The following OPCML variants were observed in gnomAD, a reference collection of about 807,000 sequenced individuals.
The protein encoded by OPCML is opioid-binding protein/cell adhesion molecule.
Under a neutral mutation model 37.8 loss-of-function variants are expected in OPCML, and 13 were observed. The observed-to-expected ratio is 0.34, with a 90% CI of 0.22 to 0.55. The LOEUF (loss-of-function observed/expected upper bound fraction) is 0.55, where lower values mean the gene tolerates loss of function less well. Among genes scored for constraint, OPCML ranks in the 20% least tolerant of loss-of-function variants. OPCML has a pLI of 0.91. For missense variants in OPCML, 341 were observed against 435.6 expected (o/e 0.78, Z 1.93); for synonymous variants, 176 against 168.8 (o/e 1.04, Z -0.33).
intron 1 of OPCML, among the ~76,000 whole-genome samples, chr11:133,180,040 C>A (rs1176620134): frequency 6.6e-6 from 1 of 152,146 alleles, no homozygotes; most frequent in Admixed American, 6.5e-5. Context: ...TGGTCCCTGA[C>A]CCTGCTTAAG....
At chr11:132,918,672 CT>C (rs1426478622) in intron 2 of OPCML, among the ~76,000 whole-genome samples, 4 of 152,096 alleles carry the variant, frequency 2.6e-5, no homozygotes, top group Non-Finnish European at 5.9e-5. Context: ...CCTTGACATT[CT>C]AAGTTATGAT....
intron 1 of OPCML, among the ~76,000 whole-genome samples, chr11:133,251,118 T>G (rs1488863272): frequency 1.3e-5 from 2 of 152,200 alleles, no homozygotes; most frequent in Admixed American, 1.3e-4. Context: ...CACATTCATA[T>G]GCTTATGGCT....
intron 1 of OPCML, among the ~76,000 whole-genome samples, chr11:133,369,750 C>T (rs1461583210): frequency 1.3e-5 from 2 of 152,012 alleles, no homozygotes; most frequent in Non-Finnish European, 2.9e-5. Flanking sequence ...ACACCATTAT[C>T]AATTTCTTAA....
At chr11:133,170,465 G>C (rs955085871) in intron 1 of OPCML, among the ~76,000 whole-genome samples, 6 of 151,524 alleles carry the variant, frequency 4.0e-5, no homozygotes, top group Admixed American at 6.6e-5. Flanking sequence ...CAGCCTGGGC[G>C]ACAGAGCGAG....
At chr11:133,515,703 G>A (rs1480942630) in intron 1 of OPCML, among the ~76,000 whole-genome samples, 1 of 152,010 alleles carries the variant, frequency 6.6e-6, no homozygotes, top group Non-Finnish European at 1.5e-5. Context: ...AGAGGGAAAG[G>A]AAGTACCTTT....
At chr11:132,716,866 G>A (rs1944513673) in intron 2 of OPCML, among the ~76,000 whole-genome samples, 1 of 152,108 alleles carries the variant, frequency 6.6e-6, no homozygotes, top group Non-Finnish European at 1.5e-5. Context: ...CAAGATAAGA[G>A]AGAAGAAGAG....
At chr11:132,722,631 A>T (rs1429750796) in intron 2 of OPCML, among the ~76,000 whole-genome samples, 3 of 152,124 alleles carry the variant, frequency 2.0e-5, no homozygotes, top group Non-Finnish European at 4.4e-5. Flanking sequence ...CATCATCGTT[A>T]GTTGATATGC....
At chr11:132,602,141 C>CTGCA (rs1488510842) in intron 3 of OPCML, among the ~76,000 whole-genome samples, 6 of 152,108 alleles carry the variant, frequency 3.9e-5, no homozygotes, top group Non-Finnish European at 8.8e-5. Context: ...GCAGAGCCTC[C>CTGCA]TGCACAGATG....
At chr11:133,473,673 T>A (rs1947165827) in intron 1 of OPCML, among the ~76,000 whole-genome samples, 1 of 152,202 alleles carries the variant, frequency 6.6e-6, no homozygotes, top group African/African-American at 2.4e-5. Context: ...GAGTTCAGTC[T>A]CTTGGGACAC....
intron 3 of OPCML, among the ~76,000 whole-genome samples, chr11:132,551,127 G>T (rs1176441309): frequency 6.6e-6 from 1 of 152,184 alleles, no homozygotes. Flanking sequence ...TTTCTCTATT[G>T]CAATTCCCCT....
chr11:132,432,814 C>G (rs1295603329), intron 7 of OPCML, among the ~76,000 whole-genome samples: 1 of 152,184 alleles, frequency 6.6e-6, no homozygotes, highest in East Asian at 1.9e-4. Flanking sequence ...AACAAAATTA[C>G]AACTAGAAGA....
At chr11:132,514,498 G>A (rs2137202410) in intron 4 of OPCML, among the ~76,000 whole-genome samples, 1 of 152,286 alleles carries the variant, frequency 6.6e-6, no homozygotes, top group Admixed American at 6.5e-5. Context: ...CTTCAGCAGA[G>A]TCTGCTTTTC....
At chr11:132,758,081 T>C (rs544863844) in intron 2 of OPCML, among the ~76,000 whole-genome samples, 2 of 152,330 alleles carry the variant, frequency 1.3e-5, no homozygotes, top group East Asian at 3.9e-4. Context: ...CTTGTTTTTG[T>C]CAGGTTTGTC....
chr11:132,745,415 C>T (rs1456843345), intron 2 of OPCML, among the ~76,000 whole-genome samples: 1 of 151,972 alleles, frequency 6.6e-6, no homozygotes, highest in Non-Finnish European at 1.5e-5. Context: ...GAGACATTAC[C>T]AGAAGCTCTG....
intron 1 of OPCML, among the ~76,000 whole-genome samples, chr11:133,410,380 G>C (rs1945619939): frequency 6.6e-6 from 1 of 152,104 alleles, no homozygotes; most frequent in Non-Finnish European, 1.5e-5. Context: ...GGTGAACCCA[G>C]CTCTGGCTAT....
At chr11:133,366,947 C>A (rs1944553976) in intron 1 of OPCML, among the ~76,000 whole-genome samples, 1 of 152,154 alleles carries the variant, frequency 6.6e-6, no homozygotes. Context: ...TCACTCACCC[C>A]TCATGTCTTC....
chr11:132,745,580 A>AAAAAAAG (rs1555183231), intron 2 of OPCML, among the ~76,000 whole-genome samples: 3 of 87,552 alleles, frequency 3.4e-5, no homozygotes, highest in African/African-American at 8.9e-5. Flanking sequence ...AAAAAAAAAA[A>AAAAAAAG]AAAGAAAGAA....
At chr11:133,147,492 G>A (rs1330539535) in intron 1 of OPCML, among the ~76,000 whole-genome samples, 1 of 152,104 alleles carries the variant, frequency 6.6e-6, no homozygotes, top group Non-Finnish European at 1.5e-5. Context: ...CGAGAAAAAG[G>A]CCAATTTCGA....
At chr11:133,491,290 T>C (rs1330430903) in intron 1 of OPCML, among the ~76,000 whole-genome samples, 2 of 152,092 alleles carry the variant, frequency 1.3e-5, no homozygotes, top group African/African-American at 2.4e-5. Context: ...CCTAGTCACT[T>C]TACACCTTCC....
Sources: allele counts gnomAD v4.1 joint callset (sites outside exome capture counted in the v4.1 genomes callset), GRCh38; gene constraint gnomAD v4.1.1; transcripts MANE v1.5; gene names NCBI Gene and HGNC (gene_info 2026-07-23, HGNC 2026-07-21).